Variants in DGKI observed in about 807,000 individuals in gnomAD.
DGKI encodes the protein diacylglycerol kinase iota, also known as DAG kinase iota.
DGKI carries 55 observed loss-of-function variants against 147.5 expected under a neutral mutation model. The ratio of observed to expected loss-of-function variants is 0.37; its 90% confidence interval spans 0.30 to 0.47. The LOEUF is 0.47. DGKI is among the 20% of genes least tolerant of loss of function. The pLI is 1.00. For missense variants in DGKI, 1,007 were observed against 1,323.8 expected, an observed-to-expected ratio of 0.76 and a Z score of 3.71; for synonymous variants, 469 against 477.1, an observed-to-expected ratio of 0.98 and a Z score of 0.22.
chr7:137,486,900 T>C (rs1192709118), intron 22 of DGKI, among the ~76,000 whole-genome samples: 2 of 152,134 alleles, frequency 1.3e-5, no homozygotes, highest in African/African-American at 4.8e-5. Flanking sequence ...GACTCTAATA[T>C]ACATCTTTCA....
chr7:137,504,738 A>C lies in DGKI; in HGVS notation c.2249-17049T>G, dbSNP rs569783555. Among the ~76,000 whole-genome samples the C allele has an allele frequency of 4.5e-4, 68 of 152,314 alleles. 1 individual carries two copies. In the South Asian group the frequency reaches 0.013, roughly 30 times the overall value. Reference sequence around the variant, plus strand: ...ACCTATGCATAGTATTAAGAAACCAATAGCCTTTTAAAAAAAACCCATTCC... The same window carrying C: ...ACCTATGCATAGTATTAAGAAACCACTAGCCTTTTAAAAAAAACCCATTCC... On this transcript the variant is annotated intron_variant, in intron 21 of 32. Transcript: ENST00000614521.
intron 28 of DGKI, among the ~76,000 whole-genome samples, chr7:137,421,294 T>G (rs548357081): frequency 6.6e-6 from 1 of 152,314 alleles, no homozygotes; most frequent in South Asian, 2.1e-4. Flanking sequence ...CTGTGCCAAA[T>G]CCATCTTAGA....
intron 3 of DGKI, among the ~76,000 whole-genome samples, chr7:137,658,340 C>G (rs371744907): frequency 6.6e-6 from 1 of 152,126 alleles, no homozygotes; most frequent in Non-Finnish European, 1.5e-5. Flanking sequence ...TATCCTGGTG[C>G]GAATCACTGC....
intron 5 of DGKI, among the ~76,000 whole-genome samples, chr7:137,648,020 G>T (rs750021411): frequency 2.0e-5 from 3 of 151,896 alleles, no homozygotes; most frequent in African/African-American, 4.9e-5. Context: ...GTGTCACTGT[G>T]CCTTTCCTCT....
intron 1 of DGKI, among the ~76,000 whole-genome samples, chr7:137,825,108 T>C (rs1301902077): frequency 6.6e-6 from 1 of 152,230 alleles, no homozygotes; most frequent in African/African-American, 2.4e-5. Flanking sequence ...TGGTATTTCT[T>C]TGAGGAATTG....
At chr7:137,756,131 T>A (rs1293591432) in intron 1 of DGKI, among the ~76,000 whole-genome samples, 1 of 152,176 alleles carries the variant, frequency 6.6e-6, no homozygotes, top group Non-Finnish European at 1.5e-5. Flanking sequence ...ACATCACCAA[T>A]AAACCTGTTT....
chr7:137,550,654 C>T (rs909048233), intron 20 of DGKI, among the ~76,000 whole-genome samples: 13 of 152,082 alleles, frequency 8.5e-5, no homozygotes, highest in African/African-American at 3.1e-4. Flanking sequence ...TGAGCAAATA[C>T]GAATTCTCAA....
intron 19 of DGKI, among the ~76,000 whole-genome samples, chr7:137,561,545 CA>C (rs1463138385): frequency 1.3e-5 from 2 of 151,900 alleles, no homozygotes; most frequent in Non-Finnish European, 1.5e-5. Context: ...TATCTAGTTT[CA>C]AAAAACTAGG....
chr7:137,454,571 C>A lies in DGKI; in HGVS notation c.2735+8918G>T, dbSNP rs145473528. On this transcript the variant is annotated intron_variant, in intron 27 of 32. Coordinates refer to ENST00000614521, the MANE Select transcript of DGKI (RefSeq NM_001321708.2). ...TGACGATGTAGCCATCACATTTTAG[C>A]ATTCTGTAGACAAAATGAAAAAAGA... Among the ~76,000 whole-genome samples, 675 of 152,226 alleles carry A rather than the reference C, an allele frequency of 4.4e-3. 6 individuals are homozygous for A. The highest frequency in any genetic ancestry group is 0.014 in the African/African-American group (588 of 41,522).
intron 9 of DGKI, 112 bp downstream of exon 9, chr7:137,609,423 A>C: frequency 1.3e-6 from 1 of 755,610 alleles, no homozygotes. Flanking sequence ...GTGAGGAGAA[A>C]GCAGTAGTAG....
At chr7:137,502,010 TCTTAGC>T (rs1287272782) in intron 21 of DGKI, among the ~76,000 whole-genome samples, 1 of 152,196 alleles carries the variant, frequency 6.6e-6, no homozygotes, top group Admixed American at 6.5e-5. Context: ...ACAAGCCCTC[TCTTAGC>T]CTGTCGCCAT....
intron 29 of DGKI, among the ~76,000 whole-genome samples, chr7:137,410,030 T>C (rs1812103228): frequency 6.6e-6 from 1 of 152,192 alleles, no homozygotes; most frequent in Non-Finnish European, 1.5e-5. Context: ...GGCATGAATA[T>C]TTGAGAAGGA....
chr7:137,493,885 C>A, intron 21 of DGKI: 1 of 642,826 alleles, frequency 1.6e-6, no homozygotes, highest in Non-Finnish European at 2.8e-6. Context: ...TGAAGATCAT[C>A]GAGATTCAGG....
At chr7:137,741,231 T>G (rs984183618) in intron 1 of DGKI, among the ~76,000 whole-genome samples, 1 of 152,156 alleles carries the variant, frequency 6.6e-6, no homozygotes, top group African/African-American at 2.4e-5. Context: ...TGATTTTAAT[T>G]AGTAAAAGAT....
At chr7:137,432,204 C>T (rs932699882) in intron 28 of DGKI, among the ~76,000 whole-genome samples, 1 of 152,162 alleles carries the variant, frequency 6.6e-6, no homozygotes, top group Admixed American at 6.5e-5. Flanking sequence ...GCCAATGAAA[C>T]CTCTTTTCTT....
chr7:137,759,883 CA>C (rs1795805332), intron 1 of DGKI, among the ~76,000 whole-genome samples: 1 of 152,094 alleles, frequency 6.6e-6, no homozygotes, highest in Admixed American at 6.5e-5. Flanking sequence ...TTGATATTCT[CA>C]TGCCTCATTC....
At chr7:137,732,620 A>G (rs1430899295) in intron 1 of DGKI, among the ~76,000 whole-genome samples, 3 of 152,010 alleles carry the variant, frequency 2.0e-5, no homozygotes, top group African/African-American at 7.2e-5. Context: ...AGCTATTATA[A>G]TGTTTGCTCC....
chr7:137,487,362 A>G (rs1038680092), intron 22 of DGKI, among the ~76,000 whole-genome samples: 1 of 152,138 alleles, frequency 6.6e-6, no homozygotes, highest in Non-Finnish European at 1.5e-5. Flanking sequence ...ACAAGTTCCA[A>G]GCTATAGTTA....
At chr7:137,722,977 T>C in intron 1 of DGKI, 1 of 561,936 alleles carries the variant, frequency 1.8e-6, no homozygotes, top group Non-Finnish European at 3.1e-6. Context: ...TATCCTGAGA[T>C]AAATGAATCT....
Sources: gnomAD v4.1 joint callset for allele counts (sites outside exome capture counted in the v4.1 genomes callset) on GRCh38, gnomAD v4.1.1 for gene constraint, MANE v1.5 for transcripts, NCBI Gene and HGNC (gene_info 2026-07-23, HGNC 2026-07-21) for gene names.